Variants in INVS observed in about 807,000 individuals in gnomAD.
The protein encoded by INVS is inversion of embryo turning homolog.
INVS carries 86 observed loss-of-function variants against 108.8 expected under a neutral mutation model. The observed-to-expected ratio is 0.79, with a 90% CI of 0.66 to 0.95. The LOEUF (loss-of-function observed/expected upper bound fraction) is 0.95. Among genes scored for constraint, INVS ranks in the 40% least tolerant of loss-of-function variants. The pLI, the probability that INVS is intolerant of heterozygous loss-of-function variation, is 0.00. For synonymous variants in INVS, 455 were observed against 473.5 expected (o/e 0.96, Z 0.51); for missense variants, 1,169 against 1,297.4 (o/e 0.90, Z 1.52).
In INVS at chr9:100,116,891, T is replaced by TAAC. The variant is rs1254996536; in HGVS notation, c.107-9491_107-9490insACA. 3.2e-6 allele frequency: 4 copies of TAAC among 1,265,604 alleles called. No individual in the cohort carries two copies. The African/African-American group carries it at 5.9e-5, about 19-fold the overall frequency. 78.4% of individuals were successfully genotyped at this position (1,265,604 alleles called of 1,614,324 possible). On this transcript the variant is annotated intron_variant, in intron 2 of 16. Coordinates refer to ENST00000262457, the MANE Select transcript of INVS (RefSeq NM_014425.5). ...CCAGAGGTCGGGGGTCAGGTAGCTG[T>TAAC]AGGTCTTAGAGATGGCATCAAAGGT... is the stretch of plus-strand genomic sequence containing the variant.
chr9:100,174,884 C>T (rs1299518398), intron 3 of INVS, among the ~76,000 whole-genome samples: 1 of 152,124 alleles, frequency 6.6e-6, no homozygotes, highest in Admixed American at 6.6e-5. Context: ...TGCACTCCAG[C>T]CTGGGCGACA....
intron 3 of INVS, among the ~76,000 whole-genome samples, chr9:100,169,100 GA>G (rs1829457140): frequency 6.6e-6 from 1 of 152,290 alleles, no homozygotes; most frequent in African/African-American, 2.4e-5. Flanking sequence ...ATGGATATGT[GA>G]CAGTTATTTT....
chr9:100,149,451 G>A (rs937481785), intron 3 of INVS, among the ~76,000 whole-genome samples: 2 of 152,182 alleles, frequency 1.3e-5, no homozygotes, highest in African/African-American at 4.8e-5. Flanking sequence ...TCTCCAAGCA[G>A]TGAGAAAGTC....
At chr9:100,201,702 G>C (rs889146863) in intron 3 of INVS, among the ~76,000 whole-genome samples, 7 of 152,224 alleles carry the variant, frequency 4.6e-5, no homozygotes, top group African/African-American at 1.7e-4. Flanking sequence ...CCTTGGAAGT[G>C]TTGGGCTAGC....
At chr9:100,213,526 C>A (rs1830898244) in intron 3 of INVS, among the ~76,000 whole-genome samples, 1 of 152,014 alleles carries the variant, frequency 6.6e-6, no homozygotes, top group South Asian at 2.1e-4. Flanking sequence ...TTTCATATTA[C>A]AATGATATTG....
At chr9:100,149,423 A>G (rs548699245) in intron 3 of INVS, among the ~76,000 whole-genome samples, 4 of 152,198 alleles carry the variant, frequency 2.6e-5, no homozygotes, top group East Asian at 1.9e-4. Context: ...GTTGACTTCA[A>G]TGCTAGCTAG....
intron 3 of INVS, among the ~76,000 whole-genome samples, chr9:100,129,320 A>G (rs1218002290): frequency 6.6e-6 from 1 of 151,952 alleles, no homozygotes; most frequent in Non-Finnish European, 1.5e-5. Flanking sequence ...TGTCTCTACT[A>G]AAAACACACA....
At chr9:100,133,687 A>G (rs1480005636) in intron 3 of INVS, among the ~76,000 whole-genome samples, 1 of 151,048 alleles carries the variant, frequency 6.6e-6, no homozygotes, top group Non-Finnish European at 1.5e-5. Flanking sequence ...GAGCAACTGG[A>G]GCTCCCCAAC....
chr9:100,295,428 T>C (rs1301018291), intron 14 of INVS, among the ~76,000 whole-genome samples: 1 of 152,174 alleles, frequency 6.6e-6, no homozygotes, highest in African/African-American at 2.4e-5. Context: ...AAACACACTT[T>C]TATTGATTCT....
At chr9:100,273,709 T>C (rs946603016) in intron 12 of INVS, among the ~76,000 whole-genome samples, 2 of 151,512 alleles carry the variant, frequency 1.3e-5, no homozygotes, top group South Asian at 4.2e-4. Context: ...GGGTAATTTT[T>C]GTATTTTTAG....
chr9:100,102,886 T>C (rs1827043899), intron 1 of INVS: 1 of 152,312 alleles, frequency 6.6e-6, no homozygotes, highest in East Asian at 1.9e-4. Flanking sequence ...GGAGTCTTAC[T>C]CTGTTGCCCA....
At chr9:100,184,660 A>G (rs1311454624) in intron 3 of INVS, among the ~76,000 whole-genome samples, 2 of 152,074 alleles carry the variant, frequency 1.3e-5, no homozygotes, top group African/African-American at 4.8e-5. Flanking sequence ...CTACATTGGG[A>G]AGACATATTT....
chr9:100,188,390 G>A (rs1281164731), intron 3 of INVS, among the ~76,000 whole-genome samples: 1 of 152,150 alleles, frequency 6.6e-6, no homozygotes, highest in African/African-American at 2.4e-5. Flanking sequence ...TTTTTATAAA[G>A]AAATGCTAGA....
At chr9:100,257,346 G>A (rs2118588212) in intron 10 of INVS, among the ~76,000 whole-genome samples, 1 of 152,240 alleles carries the variant, frequency 6.6e-6, no homozygotes, top group East Asian at 1.9e-4. Flanking sequence ...ACACTGATGG[G>A]TCTTGACTGT....
intron 3 of INVS, among the ~76,000 whole-genome samples, chr9:100,213,080 G>C (rs1283428774): frequency 6.6e-6 from 1 of 151,920 alleles, no homozygotes; most frequent in Non-Finnish European, 1.5e-5. Context: ...AGAGCTCTCT[G>C]AGGTCTCTTT....
chr9:100,300,693 T>C lies in INVS; in HGVS notation c.*19T>C. The C allele has an allele frequency of 6.5e-7, 1 of 1,542,388 alleles. No homozygotes were observed. Among genetic ancestry groups the C allele is most frequent in the Non-Finnish European group, 9.0e-7 (1 of 1,116,094 alleles). On this transcript the variant is annotated 3_prime_UTR_variant, in exon 17 of 17. Coordinates refer to ENST00000262457, the MANE Select transcript of INVS (RefSeq NM_014425.5). ...ACCTTGACTGCCTATGGAGGAAGAC[T>C]GTGTTCGGGGGAGCTGGCATAGCTA...
intron 2 of INVS, among the ~76,000 whole-genome samples, chr9:100,106,130 A>G (rs1016138241): frequency 4.6e-5 from 7 of 152,218 alleles, no homozygotes; most frequent in African/African-American, 1.7e-4. Context: ...GGCTTACTAG[A>G]GGAAATGAAG....
intron 10 of INVS, 56 bp from the exon 11 acceptor site, chr9:100,264,766 C>A: frequency 8.6e-7 from 1 of 1,160,726 alleles, no homozygotes; most frequent in South Asian, 1.2e-5. Flanking sequence ...GCATAAATAA[C>A]CACATATCCA....
At chr9:100,140,075 G>C (rs1211650427) in intron 3 of INVS, among the ~76,000 whole-genome samples, 1 of 152,138 alleles carries the variant, frequency 6.6e-6, no homozygotes, top group Non-Finnish European at 1.5e-5. Context: ...TAAACAGTTT[G>C]TCTCCATTGC....
Sources: allele counts gnomAD v4.1 joint callset (sites outside exome capture counted in the v4.1 genomes callset), GRCh38; gene constraint gnomAD v4.1.1; transcripts MANE v1.5; gene names NCBI Gene and HGNC (gene_info 2026-07-23, HGNC 2026-07-21).